Variants in WNT2 observed in about 807,000 individuals in gnomAD.
WNT2 encodes the protein protein Wnt-2.
A neutral mutation model predicts 36.9 loss-of-function variants in WNT2; 12 were observed. The observed-to-expected ratio is 0.33, with a 90% CI of 0.21 to 0.53. The LOEUF is 0.53. Ranked by LOEUF, WNT2 falls within the 20% of genes least tolerant of loss-of-function variation. WNT2 has a pLI of 0.95. For missense variants in WNT2, 379 were observed against 473.1 expected (o/e 0.80, Z 1.84); for synonymous variants, 163 against 174.6 (o/e 0.93, Z 0.52).
rs757074268 is a variant in WNT2 at position 117,320,547 on chromosome 7, G to A, written c.310+20C>T. 6.2e-7 allele frequency: 1 copy of A among 1,604,954 alleles called. No individual in the cohort carries two copies. Among genetic ancestry groups the A allele is most frequent in the South Asian group, 1.1e-5 (1 of 89,374 alleles). ...GCATGAGTGGAGAGCCATAGGGCTG[G>A]GTGAAGGCAGGAGACTTACTTCGGA... On this transcript the variant is annotated intron_variant, in intron 2 of 4. Transcript: ENST00000265441.
intron 4 of WNT2, among the ~76,000 whole-genome samples, chr7:117,280,054 A>T (rs377410367): frequency 6.6e-6 from 1 of 152,048 alleles, no homozygotes. Context: ...CACGGGGTCA[A>T]GAAGAGGAGA....
chr7:117,300,247 C>A lies in WNT2; in HGVS notation c.589-2371G>T, dbSNP rs141156702. ...CTGTTGCCAGGGTGGAGTGCAGTGG[C>A]GCGATCTCAGCTCACTGCAACCTAT... is the stretch of plus-strand genomic sequence containing the variant. On this transcript the variant is annotated intron_variant, in intron 3 of 4. Transcript: ENST00000265441. 5.1e-3 allele frequency among the ~76,000 whole-genome samples: 772 copies of A among 152,190 alleles called. 11 individuals are homozygous for A. The highest frequency in any genetic ancestry group is 0.018 in the African/African-American group (731 of 41,508).
At chr7:117,285,970 G>A (rs964161957) in intron 4 of WNT2, among the ~76,000 whole-genome samples, 6 of 152,142 alleles carry the variant, frequency 3.9e-5, no homozygotes, top group African/African-American at 1.4e-4. Context: ...TGAGATCATC[G>A]TCCTAAACCC....
chr7:117,297,945 C>T, intron 3 of WNT2, 69 bp from the exon 4 acceptor site: 1 of 1,524,724 alleles, frequency 6.6e-7, no homozygotes, highest in East Asian at 2.3e-5. Flanking sequence ...CTCTCCTTAC[C>T]TCCCAGCAAT....
chr7:117,275,971 A>G lies in WNT2; in HGVS notation c.*2184T>C, dbSNP rs953335641. Among the ~76,000 whole-genome samples the G allele has an allele frequency of 3.2e-4, 48 of 152,242 alleles. No homozygotes were observed. ...AGATCTAAACATACCAGGCATAAAA[A>G]AAGTAGCAAACACACCATTGGAAGC... On this transcript the variant is annotated 3_prime_UTR_variant, in exon 5 of 5. Transcript: ENST00000265441.
chr7:117,285,979 C>T (rs979194665), intron 4 of WNT2, among the ~76,000 whole-genome samples: 5 of 152,094 alleles, frequency 3.3e-5, no homozygotes, highest in Admixed American at 3.3e-4. Flanking sequence ...CGTCCTAAAC[C>T]CAGTGTCTAT....
chr7:117,287,852 G>T (rs982406576), intron 4 of WNT2, among the ~76,000 whole-genome samples: 2 of 152,018 alleles, frequency 1.3e-5, no homozygotes, highest in African/African-American at 4.8e-5. Context: ...GCTGGCCATG[G>T]TGGTGGACAC....
intron 4 of WNT2, among the ~76,000 whole-genome samples, chr7:117,290,221 G>C (rs1794662930): frequency 6.6e-6 from 1 of 152,152 alleles, no homozygotes; most frequent in South Asian, 2.1e-4. Context: ...TACAGAGAGA[G>C]AGCAAAGAGA....
intron 4 of WNT2, among the ~76,000 whole-genome samples, chr7:117,293,591 AT>A (rs1794731986): frequency 2.6e-5 from 4 of 151,992 alleles, no homozygotes; most frequent in Admixed American, 2.6e-4. Context: ...AAAACAAGAA[AT>A]TCTATATTAA....
Position 117,275,525 on chromosome 7 carries a change from T to C in WNT2, c.*2630A>G, listed in dbSNP as rs1794343545. Among the ~76,000 whole-genome samples, 1 of 152,224 alleles carries C rather than the reference T, an allele frequency of 6.6e-6. No homozygotes were observed. Among genetic ancestry groups the C allele is most frequent in the Admixed American group, 6.5e-5 (1 of 15,286 alleles). ...TTATCTTGGACCTAGAAAACTTCAA[T>C]TTATAGTAAGATTTTAATAAAGAGG... On this transcript the variant is annotated 3_prime_UTR_variant, in exon 5 of 5. Coordinates refer to ENST00000265441, the MANE Select transcript of WNT2 (RefSeq NM_003391.3).
chr7:117,283,549 G>T (rs1382386218), intron 4 of WNT2, among the ~76,000 whole-genome samples: 1 of 152,184 alleles, frequency 6.6e-6, no homozygotes, highest in Non-Finnish European at 1.5e-5. Flanking sequence ...GCCTAAGAAG[G>T]TTTGAGCTTG....
chr7:117,317,929 GT>G (rs1178375511), intron 2 of WNT2, among the ~76,000 whole-genome samples: 3 of 152,148 alleles, frequency 2.0e-5, no homozygotes, highest in Admixed American at 2.0e-4. Flanking sequence ...TTACCTTTGT[GT>G]TTTCTAAGGC....
chr7:117,312,827 A>C (rs1795146595), intron 3 of WNT2, among the ~76,000 whole-genome samples: 1 of 152,238 alleles, frequency 6.6e-6, no homozygotes, highest in Non-Finnish European at 1.5e-5. Flanking sequence ...AATTGTTCAA[A>C]TATTGGGGAA....
Position 117,278,089 on chromosome 7 carries a change from CCAGTGTTCTTG to C in WNT2, c.*55_*65del. 2 of 1,539,266 alleles carry C rather than the reference CCAGTGTTCTTG, an allele frequency of 1.3e-6. No individual in the cohort carries two copies. The highest frequency in any genetic ancestry group is 9.0e-7 in the Non-Finnish European group (1 of 1,117,246). On this transcript the variant is annotated 3_prime_UTR_variant, in exon 5 of 5. Transcript: ENST00000265441. The stretch of plus-strand genomic sequence containing the variant: ...ATCCCCCCAGAAAGAACCCAAAGGT[CCAGTGTTCTTG>C]CAGATCCAATGGAGTCCTTGTAGAA...
chr7:117,275,806 G>A lies in WNT2; in HGVS notation c.*2349C>T, dbSNP rs1356225111. Among the ~76,000 whole-genome samples, 1 of 152,130 alleles carries A rather than the reference G, an allele frequency of 6.6e-6. No individual in the cohort carries two copies. Among genetic ancestry groups the A allele is most frequent in the African/African-American group, 2.4e-5 (1 of 41,418 alleles). On this transcript the variant is annotated 3_prime_UTR_variant, in exon 5 of 5. Transcript: ENST00000265441. ...TCATTCTCTTATTTTTCCCACCTCAGTGGCAGGACCCACTGCCACTTGCGA... is the reference window on the plus strand; with the variant it reads ...TCATTCTCTTATTTTTCCCACCTCAATGGCAGGACCCACTGCCACTTGCGA...
intron 4 of WNT2, among the ~76,000 whole-genome samples, chr7:117,287,470 C>T (rs913841024): frequency 2.6e-5 from 4 of 152,188 alleles, no homozygotes; most frequent in African/African-American, 4.8e-5. Context: ...ACAGCACTTT[C>T]GGTCTGCAAG....
rs1447333855 is a variant in WNT2, at chr7:117,322,812, G to A, written c.83+95C>T. The A allele has an allele frequency of 8.4e-6, 11 of 1,309,118 alleles. No homozygotes were observed. Among genetic ancestry groups the A allele is most frequent in the African/African-American group, 1.5e-5 (1 of 68,858 alleles). The allele number at this position is 1,309,118 out of a possible 1,614,324, so 81.1% of individuals were successfully genotyped here. A position where few individuals can be genotyped will look rare whatever the true frequency, so the allele number is the denominator to read the frequency against. On this transcript the variant is annotated intron_variant, in intron 1 of 4. Coordinates refer to ENST00000265441, the MANE Select transcript of WNT2 (RefSeq NM_003391.3). This position sits in a 1 kb window ranked among gnomAD's most constrained non-coding sequence, Gnocchi z 5.4. ...TCGGGCCAGAATCCGAGACTGCTGC[G>A]GCCGCGGGGGAACGCAGCCAGGAAG... is the stretch of plus-strand genomic sequence containing the variant.
Position 117,278,363 on chromosome 7 carries a change from CG to C in WNT2, c.874del (p.Arg292ValfsTer5). On this transcript the variant is annotated frameshift_variant, in exon 5 of 5. Transcript: ENST00000265441. LOFTEE classifies it high-confidence loss of function. ...REAGSLGTAGRVCNLTSRGMD... is the reference protein window; with the variant it reads ...REAGSLGTAGXVCNLTSRGMD... ...GCCCCGGGAAGTCAGGTTGCACACA[CG>C]GCCTGCTGTACCCAGGGAGCCTGGA... 1 of 1,613,862 alleles carries C rather than the reference CG, an allele frequency of 6.2e-7. No individual in the cohort carries two copies. Among genetic ancestry groups the C allele is most frequent in the South Asian group, 1.1e-5 (1 of 91,020 alleles).
intron 3 of WNT2, among the ~76,000 whole-genome samples, chr7:117,304,522 G>A (rs924317703): frequency 1.0e-4 from 15 of 144,926 alleles, no homozygotes; most frequent in African/African-American, 2.1e-4. Context: ...CTGCAACTCC[G>A]CCTCCCAGGT....
Sources: allele counts gnomAD v4.1 joint callset (sites outside exome capture counted in the v4.1 genomes callset), GRCh38; gene constraint gnomAD v4.1.1; non-coding constraint Gnocchi (gnomAD v3.1); transcripts MANE v1.5; gene names NCBI Gene and HGNC (gene_info 2026-07-23, HGNC 2026-07-21).